BMERB1: variants seen among roughly 807,000 people sequenced by gnomAD.
The protein encoded by BMERB1 is bMERB domain-containing protein 1.
BMERB1 carries 12 observed loss-of-function variants against 23.6 expected under a neutral mutation model. That is an observed-to-expected ratio of 0.51 (90% CI 0.33 to 0.82). BMERB1 has a LOEUF of 0.82. BMERB1 is among the 40% of genes least tolerant of loss of function. BMERB1 has a pLI of 0.03. For missense variants in BMERB1, 247 were observed against 255.4 expected, an observed-to-expected ratio of 0.97 and a Z score of 0.22; for synonymous variants, 122 against 96.6, an observed-to-expected ratio of 1.26 and a Z score of -1.54.
chr16:15,531,343 C>T (rs1256797681), intron 2 of BMERB1, among the ~76,000 whole-genome samples: 1 of 152,204 alleles, frequency 6.6e-6, no homozygotes. Flanking sequence ...ATCCTCCCGC[C>T]TAGGCCTCCT....
intron 1 of BMERB1, among the ~76,000 whole-genome samples, chr16:15,449,576 C>T (rs767391157): frequency 4.0e-5 from 6 of 151,630 alleles, no homozygotes; most frequent in Admixed American, 6.6e-5. Flanking sequence ...GAGGGAGTCT[C>T]GCTCTGTCGC....
chr16:15,555,367 T>A (rs990314317), intron 2 of BMERB1, among the ~76,000 whole-genome samples: 4 of 152,210 alleles, frequency 2.6e-5, no homozygotes, highest in Non-Finnish European at 5.9e-5. Flanking sequence ...CCACTGTGCC[T>A]GGCCATAATT....
chr16:15,566,086 T>TG (rs2030555196), intron 2 of BMERB1, among the ~76,000 whole-genome samples: 1 of 152,164 alleles, frequency 6.6e-6, no homozygotes, highest in Non-Finnish European at 1.5e-5. Flanking sequence ...AAGCCAGCCT[T>TG]AGTAATCAAG....
At chr16:15,482,011 A>G (rs976242195) in intron 1 of BMERB1, among the ~76,000 whole-genome samples, 1 of 152,130 alleles carries the variant, frequency 6.6e-6, no homozygotes, top group South Asian at 2.1e-4. Flanking sequence ...GATTACAGGC[A>G]TGAGCCACCG....
rs190919752 is a variant in BMERB1, at chr16:15,497,502, A to G, written c.107-17803A>G. The stretch of plus-strand genomic sequence containing the variant: ...AAGGTCAATTTCTATGTTTATCAAG[A>G]AAGAAAAAAACTGTCTATGGGACTA... On this transcript the variant is annotated intron_variant, in intron 1 of 5. Transcript: ENST00000300006. Among the ~76,000 whole-genome samples, 1,295 of 152,352 alleles carry G rather than the reference A, an allele frequency of 8.5e-3. 25 individuals are homozygous for G. Among genetic ancestry groups the G allele is most frequent in the Middle Eastern group, 0.027 (8 of 294 alleles).
intron 2 of BMERB1, among the ~76,000 whole-genome samples, chr16:15,542,092 C>A (rs2052090464): frequency 7.1e-6 from 1 of 141,470 alleles, no homozygotes; most frequent in Non-Finnish European, 1.5e-5. Context: ...GAGACGGAGT[C>A]TCACTCTATA....
At chr16:15,508,828 CAAAA>C (rs1181215065) in intron 1 of BMERB1, among the ~76,000 whole-genome samples, 6 of 56,070 alleles carry the variant, frequency 1.1e-4, no homozygotes, top group Non-Finnish European at 1.5e-4. Context: ...CCTGCCCCAC[CAAAA>C]AAAAAAAAAA....
chr16:15,474,315 A>T (rs2051257652), intron 1 of BMERB1, among the ~76,000 whole-genome samples: 1 of 151,886 alleles, frequency 6.6e-6, no homozygotes, highest in Admixed American at 6.6e-5. Flanking sequence ...TCTTCAAATA[A>T]TTTTTCAGTA....
intron 1 of BMERB1, among the ~76,000 whole-genome samples, chr16:15,508,563 C>G (rs1268718553): frequency 6.6e-6 from 1 of 152,064 alleles, no homozygotes; most frequent in African/African-American, 2.4e-5. Flanking sequence ...AGATTCATTC[C>G]TGTAATCCCA....
intron 2 of BMERB1, among the ~76,000 whole-genome samples, chr16:15,544,631 A>G (rs1028928716): frequency 5.9e-5 from 9 of 152,206 alleles, no homozygotes; most frequent in Admixed American, 2.6e-4. Context: ...TTGAATGTAA[A>G]CAATTTTGCA....
intron 5 of BMERB1, among the ~76,000 whole-genome samples, chr16:15,584,454 A>C (rs1356888551): frequency 6.6e-6 from 1 of 151,942 alleles, no homozygotes; most frequent in Non-Finnish European, 1.5e-5. Flanking sequence ...GCTACTCGGG[A>C]AGCTGAGGCA....
In BMERB1 at chr16:15,530,337, A is replaced by T. The variant is rs536335043; in HGVS notation, c.230+14909A>T. 2.0e-5 allele frequency among the ~76,000 whole-genome samples: 3 copies of T among 152,336 alleles called. No homozygotes were observed. The East Asian group carries it at 5.8e-4, about 29-fold the overall frequency. On this transcript the variant is annotated intron_variant, in intron 2 of 5. Coordinates refer to ENST00000300006, the MANE Select transcript of BMERB1 (RefSeq NM_033201.3). The stretch of plus-strand genomic sequence containing the variant: ...GCACTTGTGATGACATTGAGGGCCC[A>T]CCTGGATAACCCAGGATGATCTCCC...
intron 2 of BMERB1, chr16:15,533,057 A>C: frequency 2.2e-6 from 1 of 455,524 alleles, no homozygotes; most frequent in Non-Finnish European, 4.4e-6. Context: ...ATAGCCATGC[A>C]TCCAGTATCT....
At chr16:15,488,902 CAAAAAAAAAAA>C (rs769821665) in intron 1 of BMERB1, among the ~76,000 whole-genome samples, 93 of 57,764 alleles carry the variant, frequency 1.6e-3, no homozygotes, top group Non-Finnish European at 2.5e-3. Context: ...ACTGCATATG[CAAAAAAAAAAA>C]AAAAAAAAAA....
intron 1 of BMERB1, among the ~76,000 whole-genome samples, chr16:15,488,969 A>G (rs1177752459): frequency 6.6e-6 from 1 of 150,658 alleles, no homozygotes; most frequent in Non-Finnish European, 1.5e-5. Context: ...TGGTTGAGGC[A>G]GGAGTCCAAA....
intron 1 of BMERB1, among the ~76,000 whole-genome samples, chr16:15,437,740 C>T (rs1186583791): frequency 6.6e-6 from 1 of 152,102 alleles, no homozygotes; most frequent in Non-Finnish European, 1.5e-5. Context: ...GGGCGGATCA[C>T]AAGGTCAGGA....
At position 15,568,787 on chromosome 16, in the gene BMERB1, G is replaced by A. The variant is rs75119004; in HGVS notation, c.304+731G>A. Among the ~76,000 whole-genome samples, 1,242 of 152,278 alleles carry A rather than the reference G, an allele frequency of 8.2e-3. 15 individuals are homozygous for A. Among genetic ancestry groups the A allele is most frequent in the African/African-American group, 0.028 (1,168 of 41,526 alleles). The stretch of plus-strand genomic sequence containing the variant: ...TCCTACTTGGGAACAGATGAAGTGT[G>A]TACAAACTCTAACTTTGAAGTCACC... On this transcript the variant is annotated intron_variant, in intron 3 of 5. Coordinates refer to ENST00000300006, the MANE Select transcript of BMERB1 (RefSeq NM_033201.3).
intron 1 of BMERB1, among the ~76,000 whole-genome samples, chr16:15,506,621 C>T (rs1166169156): frequency 2.0e-5 from 3 of 152,156 alleles, no homozygotes; most frequent in Non-Finnish European, 4.4e-5. Context: ...GACTCCTCAA[C>T]CATCACGATT....
intron 1 of BMERB1, 79 bp from the exon 2 acceptor site, chr16:15,515,226 T>G: frequency 6.3e-7 from 1 of 1,593,488 alleles, no homozygotes; most frequent in Non-Finnish European, 8.5e-7. Flanking sequence ...AGCAAGGCTG[T>G]GCCCTGGAAC....
Sources: gnomAD v4.1 joint callset for allele counts (sites outside exome capture counted in the v4.1 genomes callset) on GRCh38, gnomAD v4.1.1 for gene constraint, MANE v1.5 for transcripts, NCBI Gene and HGNC (gene_info 2026-07-23, HGNC 2026-07-21) for gene names.